Variants in PTBP3 observed in about 807,000 individuals in gnomAD.
PTBP3 encodes the protein polypyrimidine tract binding protein 3.
In PTBP3, 20 loss-of-function variants were observed where a neutral mutation model predicts 58.7. The observed-to-expected ratio is 0.34, with a 90% CI of 0.24 to 0.50. The LOEUF is 0.50. PTBP3 is among the 20% of genes least tolerant of loss of function. The pLI, the probability that PTBP3 is intolerant of heterozygous loss-of-function variation, is 0.98. For missense variants in PTBP3, 509 were observed against 637.2 expected (o/e 0.80, Z 2.17); for synonymous variants, 185 against 219.8 (o/e 0.84, Z 1.40).
chr9:112,234,599 G>A (rs1032574023), intron 8 of PTBP3, among the ~76,000 whole-genome samples: 2 of 152,262 alleles, frequency 1.3e-5, no homozygotes, highest in Admixed American at 1.3e-4. Context: ...AAATGATGCA[G>A]AACACATACT....
At chr9:112,277,939 AAC>A (rs879300123) in intron 2 of PTBP3, among the ~76,000 whole-genome samples, 15,179 of 104,114 alleles carry the variant, frequency 0.15, 962 homozygotes, top group East Asian at 0.25. Flanking sequence ...AACATAACAT[AAC>A]ATAATATAAC....
In PTBP3 at chr9:112,227,717, T is replaced by C. The variant is rs1835046136; in HGVS notation, c.1148-90A>G. 3 of 1,019,706 alleles carry C rather than the reference T, an allele frequency of 2.9e-6. No individual in the cohort carries two copies. The Admixed American group carries it at 6.1e-5, about 21-fold the overall frequency. 63.2% of individuals were successfully genotyped at this position (1,019,706 alleles called of 1,614,324 possible). A position where few individuals can be genotyped will look rare whatever the true frequency, so the allele number is the denominator to read the frequency against. Reference sequence around the variant, plus strand: ...AACATTACCATAAATTATTTTTATGTAGTTATTTAAAACTGTATTATCAGT... The same window carrying C: ...AACATTACCATAAATTATTTTTATGCAGTTATTTAAAACTGTATTATCAGT... On this transcript the variant is annotated intron_variant, in intron 11 of 13. Transcript: ENST00000374257.
chr9:112,303,895 A>G (rs1587862370), intron 1 of PTBP3, among the ~76,000 whole-genome samples: 1 of 142,756 alleles, frequency 7.0e-6, no homozygotes, highest in Non-Finnish European at 1.5e-5. Flanking sequence ...GGCTGGGCAC[A>G]GTGGCTCACA....
At chr9:112,264,204 T>C (rs546406746) in intron 4 of PTBP3, among the ~76,000 whole-genome samples, 11 of 152,320 alleles carry the variant, frequency 7.2e-5, no homozygotes, top group Non-Finnish European at 1.5e-4. Flanking sequence ...AAAGAAGGTA[T>C]TTCTCAGATT....
the PTBP3 span, among the ~76,000 whole-genome samples, chr9:112,366,980 A>G: frequency 6.6e-6 from 1 of 152,174 alleles, no homozygotes; most frequent in Non-Finnish European, 1.5e-5. Flanking sequence ...TGAGACATGG[A>G]GTCAAAGGTG....
Position 112,271,306 on chromosome 9 carries a change from T to C in PTBP3, c.205-3111A>G, listed in dbSNP as rs116869582. Reference sequence around the variant, plus strand: ...GCCTTAGATACTTACTAGCTGAGCATCCCTAATTCAAAAATCTGGAATCCA... The same window carrying C: ...GCCTTAGATACTTACTAGCTGAGCACCCCTAATTCAAAAATCTGGAATCCA... On this transcript the variant is annotated intron_variant, in intron 3 of 13. Transcript: ENST00000374257. Among the ~76,000 whole-genome samples the C allele has an allele frequency of 2.6e-4, 39 of 152,326 alleles. No homozygotes were observed. The East Asian group carries it at 6.9e-3, about 27-fold the overall frequency.
chr9:112,237,590 G>C (rs538159296), intron 7 of PTBP3, among the ~76,000 whole-genome samples: 1 of 152,158 alleles, frequency 6.6e-6, no homozygotes, highest in East Asian at 1.9e-4. Context: ...CAAGTATAAA[G>C]ACTTTCTTTA....
At position 112,222,841 on chromosome 9, in the gene PTBP3, G is replaced by A; in HGVS notation, c.*1010C>T. On this transcript the variant is annotated 3_prime_UTR_variant, in exon 14 of 14. Transcript: ENST00000374257. ...GTAAATACACAGTAATTCTGAGTAA[G>A]TATTAGAGATTATAGTGGTACAAAA... 2.2e-6 allele frequency: 2 copies of A among 892,208 alleles called. No individual in the cohort carries two copies. Among genetic ancestry groups the A allele is most frequent in the Non-Finnish European group, 1.3e-6 (1 of 744,936 alleles). 55.3% of individuals were successfully genotyped at this position (892,208 alleles called of 1,614,324 possible). A position where few individuals can be genotyped will look rare whatever the true frequency, so the allele number is the denominator to read the frequency against.
At chr9:112,288,996 G>GT (rs1828259232) in intron 2 of PTBP3, among the ~76,000 whole-genome samples, 1 of 152,144 alleles carries the variant, frequency 6.6e-6, no homozygotes, top group Non-Finnish European at 1.5e-5. Flanking sequence ...GTTTTCCAAC[G>GT]TTTGTTTTCT....
intron 2 of PTBP3, among the ~76,000 whole-genome samples, chr9:112,297,625 A>C (rs1828746535): frequency 6.6e-6 from 1 of 152,182 alleles, no homozygotes; most frequent in Admixed American, 6.5e-5. Flanking sequence ...TGAATCATCA[A>C]ATTAGATCCA....
chr9:112,319,335 C>T (rs927572378), intron 1 of PTBP3, among the ~76,000 whole-genome samples: 4 of 151,982 alleles, frequency 2.6e-5, no homozygotes, highest in Non-Finnish European at 5.9e-5. Context: ...CTCAGCAGTT[C>T]GAGACCAACC....
intron 1 of PTBP3, among the ~76,000 whole-genome samples, chr9:112,308,098 T>C (rs187311150): frequency 5.6e-4 from 86 of 152,330 alleles, no homozygotes; most frequent in Non-Finnish European, 1.1e-3. Flanking sequence ...TCACCCAGGA[T>C]GGAGTACAGC....
At chr9:112,320,604 C>G (rs1454464198) in intron 1 of PTBP3, among the ~76,000 whole-genome samples, 1 of 147,042 alleles carries the variant, frequency 6.8e-6, no homozygotes, top group African/African-American at 2.5e-5. Flanking sequence ...ATAGCCAAAG[C>G]AATTTTGATA....
intron 1 of PTBP3, among the ~76,000 whole-genome samples, chr9:112,321,854 A>G (rs928084911): frequency 6.6e-5 from 10 of 152,054 alleles, no homozygotes; most frequent in Non-Finnish European, 1.5e-4. Context: ...CAAGTTCTCA[A>G]GGTGAAGATA....
chr9:112,308,173 G>A (rs1829311390), intron 1 of PTBP3, among the ~76,000 whole-genome samples: 1 of 152,056 alleles, frequency 6.6e-6, no homozygotes, highest in Non-Finnish European at 1.5e-5. Context: ...CTAGAGGCAT[G>A]CACCACCATG....
the PTBP3 span, among the ~76,000 whole-genome samples, chr9:112,373,014 C>T: frequency 7.4e-4 from 98 of 132,664 alleles, no homozygotes; most frequent in African/African-American, 2.5e-3. Flanking sequence ...CCTGCCTCAG[C>T]CTTCCAAGTA....
intron 2 of PTBP3, among the ~76,000 whole-genome samples, chr9:112,286,474 C>A (rs547702959): frequency 1.3e-5 from 2 of 151,676 alleles, no homozygotes; most frequent in Non-Finnish European, 2.9e-5. Flanking sequence ...TAAGTGACTC[C>A]TGTGGAGTAG....
chr9:112,366,938 A>G, the PTBP3 span, among the ~76,000 whole-genome samples: 1 of 152,184 alleles, frequency 6.6e-6, no homozygotes, highest in Admixed American at 6.5e-5. Context: ...GGACTGTGGG[A>G]ACTCACTTCT....
chr9:112,265,494 T>C (rs1391446089), intron 4 of PTBP3, among the ~76,000 whole-genome samples: 1 of 151,726 alleles, frequency 6.6e-6, no homozygotes, highest in Non-Finnish European at 1.5e-5. Context: ...CTTCACTCCA[T>C]CCTGGACAAA....
Sources: allele counts gnomAD v4.1 joint callset (sites outside exome capture counted in the v4.1 genomes callset), GRCh38; gene constraint gnomAD v4.1.1; transcripts MANE v1.5; gene names NCBI Gene and HGNC (gene_info 2026-07-23, HGNC 2026-07-21).